DOCK5: variants seen among roughly 807,000 people sequenced by gnomAD.
DOCK5 encodes the protein dedicator of cytokinesis 5, also known as dedicator of cytokinesis protein 5.
Under a neutral mutation model 251.8 loss-of-function variants are expected in DOCK5, and 142 were observed. The observed-to-expected ratio is 0.56, with a 90% CI of 0.49 to 0.65. DOCK5 has a LOEUF of 0.65. DOCK5 is among the 30% of genes least tolerant of loss of function. The pLI is 0.00. For missense variants in DOCK5, 2,111 were observed against 2,312.3 expected, an observed-to-expected ratio of 0.91 and a Z score of 1.79; for synonymous variants, 842 against 835.5, an observed-to-expected ratio of 1.01 and a Z score of -0.13.
chr8:25,358,601 C>A (rs1180716918), intron 27 of DOCK5, among the ~76,000 whole-genome samples: 1 of 151,704 alleles, frequency 6.6e-6, no homozygotes, highest in Admixed American at 6.6e-5. Context: ...TTTAACTAAT[C>A]TAAGTATTTC....
At chr8:25,196,802 C>T (rs1394593436) in intron 1 of DOCK5, among the ~76,000 whole-genome samples, 3 of 152,070 alleles carry the variant, frequency 2.0e-5, no homozygotes, top group Non-Finnish European at 4.4e-5. Flanking sequence ...GATTTTAGTA[C>T]TTTCAAAAGA....
chr8:25,237,827 A>C (rs1459647694), intron 1 of DOCK5, among the ~76,000 whole-genome samples: 2 of 152,184 alleles, frequency 1.3e-5, no homozygotes, highest in African/African-American at 4.8e-5. Context: ...CGTGAATCAG[A>C]AGGCGTTAGA....
At chr8:25,219,901 G>T (rs1802338356) in intron 1 of DOCK5, among the ~76,000 whole-genome samples, 1 of 151,896 alleles carries the variant, frequency 6.6e-6, no homozygotes, top group Non-Finnish European at 1.5e-5. Flanking sequence ...CCTGGAAACT[G>T]TCTTGTGTCA....
intron 40 of DOCK5, among the ~76,000 whole-genome samples, chr8:25,383,762 G>C (rs1339214772): frequency 1.3e-5 from 2 of 152,064 alleles, no homozygotes; most frequent in Non-Finnish European, 2.9e-5. Context: ...GGCTGAGGCA[G>C]GGGAATTGCT....
At chr8:25,234,432 T>A (rs1802743316) in intron 1 of DOCK5, among the ~76,000 whole-genome samples, 1 of 152,230 alleles carries the variant, frequency 6.6e-6, no homozygotes, top group Non-Finnish European at 1.5e-5. Context: ...TTGGAAAAGA[T>A]GTTCTGGGCT....
chr8:25,286,811 GCAC>G (rs1168535348), intron 5 of DOCK5, among the ~76,000 whole-genome samples: 3 of 152,046 alleles, frequency 2.0e-5, no homozygotes, highest in African/African-American at 7.2e-5. Flanking sequence ...CCACAGGCGT[GCAC>G]CACCACATCT....
At chr8:25,314,751 A>G (rs1172269179) in intron 13 of DOCK5, among the ~76,000 whole-genome samples, 1 of 30,630 alleles carries the variant, frequency 3.3e-5, no homozygotes, top group African/African-American at 1.3e-4. Context: ...CCCTCCACCC[A>G]CCCACCCATC....
At chr8:25,274,876 C>T (rs1049920684) in intron 3 of DOCK5, among the ~76,000 whole-genome samples, 3 of 151,798 alleles carry the variant, frequency 2.0e-5, no homozygotes, top group Non-Finnish European at 2.9e-5. Context: ...AAAGTATATG[C>T]GGGTTGTGCA....
At chr8:25,369,701 AG>A (rs1554499594) in intron 34 of DOCK5, 60 bp downstream of exon 34, 25 of 1,470,924 alleles carry the variant, frequency 1.7e-5, no homozygotes, top group Non-Finnish European at 1.9e-6. Flanking sequence ...AGAGAAAAAC[AG>A]GGGTCCTGTT....
At chr8:25,337,585 CTT>C (rs71549899) in intron 22 of DOCK5, among the ~76,000 whole-genome samples, 32 of 128,586 alleles carry the variant, frequency 2.5e-4, no homozygotes, top group Non-Finnish European at 1.3e-4. Flanking sequence ...ATGATAGATT[CTT>C]TTTTTTTTTT....
At chr8:25,394,769 C>T (rs777417818) in intron 44 of DOCK5, among the ~76,000 whole-genome samples, 1 of 152,052 alleles carries the variant, frequency 6.6e-6, no homozygotes, top group African/African-American at 2.4e-5. Context: ...TACCATAGCT[C>T]CAATGTTTAA....
intron 1 of DOCK5, among the ~76,000 whole-genome samples, chr8:25,222,031 C>T (rs1304096037): frequency 6.6e-6 from 1 of 152,118 alleles, no homozygotes. Flanking sequence ...GTCAGCCCTG[C>T]GAGTTAAGAG....
intron 12 of DOCK5, among the ~76,000 whole-genome samples, chr8:25,310,010 G>A (rs1452175912): frequency 6.6e-6 from 1 of 151,770 alleles, no homozygotes; most frequent in Non-Finnish European, 1.5e-5. Flanking sequence ...GCATATTCAT[G>A]TAATTATTGG....
In DOCK5 at chr8:25,377,364, C is replaced by A. The variant is rs1217301640; in HGVS notation, c.3876C>A (p.Thr1292=). 1.9e-6 allele frequency: 3 copies of A among 1,613,432 alleles called. No individual in the cohort carries two copies. The African/African-American group carries it at 4.0e-5, about 22-fold the overall frequency. The change falls in exon 38 of 52, where the codon ACC becomes ACA. Residue 1292 remains threonine (T), a synonymous_variant. Transcript: ENST00000276440. ...AGAAGGACAGTTACTATGTTTATAC[C>A]CAGCAAGAGCTTAAAGAGAAGCTGT... ...LLQKDSYYVY[T]QQELKEKLYQ...
intron 22 of DOCK5, among the ~76,000 whole-genome samples, chr8:25,337,985 C>G (rs1805856963): frequency 6.6e-6 from 1 of 152,092 alleles, no homozygotes; most frequent in Non-Finnish European, 1.5e-5. Flanking sequence ...GTAAAGAAGA[C>G]TGGATAGATC....
intron 7 of DOCK5, among the ~76,000 whole-genome samples, chr8:25,297,744 G>A (rs1030553118): frequency 1.3e-5 from 2 of 151,974 alleles, no homozygotes; most frequent in Admixed American, 1.3e-4. Flanking sequence ...GGTAATAATT[G>A]GACATTAAAG....
At position 25,414,065 on chromosome 8, in the gene DOCK5, G is replaced by C. The variant is rs1801672879; in HGVS notation, c.*2767G>C. The C allele has an allele frequency of 6.6e-6, 1 of 152,164 alleles. No homozygotes were observed. The highest frequency in any genetic ancestry group is 1.5e-5 in the Non-Finnish European group (1 of 68,030). The allele number at this position is 152,164 out of a possible 1,614,324, so 9.4% of individuals were successfully genotyped here. A position where few individuals can be genotyped will look rare whatever the true frequency, so the allele number is the denominator to read the frequency against. On this transcript the variant is annotated 3_prime_UTR_variant, in exon 52 of 52. Coordinates refer to ENST00000276440, the MANE Select transcript of DOCK5 (RefSeq NM_024940.8). Reference sequence around the variant, plus strand: ...AGACATTGAAATTATCCCTAAAATTGTCACAACTTTTGTGAATACTGGTAT... The same window carrying C: ...AGACATTGAAATTATCCCTAAAATTCTCACAACTTTTGTGAATACTGGTAT...
At chr8:25,194,351 TG>T (rs1801663937) in intron 1 of DOCK5, among the ~76,000 whole-genome samples, 1 of 152,138 alleles carries the variant, frequency 6.6e-6, no homozygotes, top group Admixed American at 6.5e-5. Flanking sequence ...TGTTTGTTTT[TG>T]TTCACATATT....
chr8:25,403,378 T>C (rs1015070045), intron 47 of DOCK5, among the ~76,000 whole-genome samples, 180 bp from the exon 48 acceptor site: 3 of 152,116 alleles, frequency 2.0e-5, no homozygotes, highest in Admixed American at 1.3e-4. Flanking sequence ...GCTAACAGTA[T>C]CAGTACATGC....
Sources: allele counts gnomAD v4.1 joint callset (sites outside exome capture counted in the v4.1 genomes callset), GRCh38; gene constraint gnomAD v4.1.1; transcripts MANE v1.5; gene names NCBI Gene and HGNC (gene_info 2026-07-23, HGNC 2026-07-21).